Variants in ATG12 observed in about 807,000 individuals in gnomAD.
ATG12 encodes autophagy related 12.
In ATG12, 19 loss-of-function variants were observed where a neutral mutation model predicts 17.6. That is an observed-to-expected ratio of 1.08 (90% CI 0.75 to 1.58). The LOEUF (loss-of-function observed/expected upper bound fraction) is 1.58, where lower values mean the gene tolerates loss of function less well. Among genes scored for constraint, ATG12 ranks in the 40% most tolerant of loss-of-function variants. The pLI is 0.00. For synonymous variants in ATG12, 75 were observed against 62.4 expected (o/e 1.20, Z -0.95); for missense variants, 214 against 162.0 (o/e 1.32, Z -1.74).
Position 115,831,543 on chromosome 5 carries a change from T to G in ATG12, c.*261A>C, listed in dbSNP as rs978622047. 9.3e-6 allele frequency: 5 copies of G among 536,090 alleles called. No homozygotes were observed. The highest frequency in any genetic ancestry group is 1.6e-5 in the Non-Finnish European group (5 of 303,630). 33.2% of individuals were successfully genotyped at this position (536,090 alleles called of 1,614,324 possible). On this transcript the variant is annotated 3_prime_UTR_variant, in exon 4 of 4. Transcript: ENST00000509910. ...TCTCCTTTTCAACCTTGGAGGCAGA[T>G]CTGCAGCAATAATAGTAACAAGTAG...
Position 115,837,751 on chromosome 5 carries a change from T to C in ATG12, c.177A>G (p.Leu59=). The part of the protein sequence containing the change: ...GDTKKKIDIL[L]KAVGDTPIMK... Reference sequence around the variant, plus strand: ...TAATAGGAGTGTCTCCCACAGCCTTTAGCAAAATGTCAACTGTAAAAGAAG... The same window carrying C: ...TAATAGGAGTGTCTCCCACAGCCTTCAGCAAAATGTCAACTGTAAAAGAAG... Residue 59 remains leucine, a synonymous_variant, in exon 2 of 4, where the codon CTA becomes CTG. Coordinates refer to ENST00000509910, the MANE Select transcript of ATG12 (RefSeq NM_004707.4). The C allele has an allele frequency of 1.2e-6, 2 of 1,600,970 alleles. No individual in the cohort carries two copies. Among genetic ancestry groups the C allele is most frequent in the African/African-American group, 2.7e-5 (2 of 74,046 alleles).
intron 2 of ATG12, chr5:115,834,438 C>G: frequency 6.6e-6 from 1 of 152,178 alleles, no homozygotes; most frequent in East Asian, 1.9e-4. Flanking sequence ...TGTAGTTACT[C>G]CAGGTTTGTG....
At chr5:115,841,198 C>A (rs1561457202) in intron 1 of ATG12, 192 bp downstream of exon 1, 2 of 691,890 alleles carry the variant, frequency 2.9e-6, no homozygotes, top group Admixed American at 3.0e-5. Context: ...CACCGATAGA[C>A]AGAGATGGTA....
intron 1 of ATG12, 39 bp downstream of exon 1, chr5:115,841,345 CAATCTG>C (rs1264052634): frequency 3.7e-6 from 6 of 1,607,688 alleles, no homozygotes; most frequent in Admixed American, 1.7e-5. Context: ...TACTCGGATG[CAATCTG>C]AACCTCCCGC....
At position 115,832,599 on chromosome 5, in the gene ATG12, T is replaced by TTTA; in HGVS notation, c.363+2_363+3insTAA. ...TTTTTTTTTTTTTTTTTTTTTTTTT[T>TTTA]ACCTCATAGAGAGTTCCAACTTCTT... On this transcript the variant is annotated splice_region_variant and intron_variant, in intron 3 of 3. Coordinates refer to ENST00000509910, the MANE Select transcript of ATG12 (RefSeq NM_004707.4). The TTTA allele has an allele frequency of 3.1e-6, 3 of 952,606 alleles. No individual in the cohort carries two copies. Among genetic ancestry groups the TTTA allele is most frequent in the Non-Finnish European group, 3.0e-6 (2 of 670,406 alleles). 59.0% of individuals were successfully genotyped at this position (952,606 alleles called of 1,614,324 possible). A position where few individuals can be genotyped will look rare whatever the true frequency, so the allele number is the denominator to read the frequency against.
intron 1 of ATG12, chr5:115,840,934 A>G: frequency 1.6e-6 from 2 of 1,270,138 alleles, no homozygotes; most frequent in South Asian, 2.5e-5. Flanking sequence ...TTCACAACCA[A>G]CTGGGAGGGG....
At position 115,831,500 on chromosome 5, in the gene ATG12, A is replaced by G. The variant is rs796776205; in HGVS notation, c.*304T>C. On this transcript the variant is annotated 3_prime_UTR_variant, in exon 4 of 4. Transcript: ENST00000509910. ...GTCATTTTGAGAACTGACAATGAAG[A>G]TGTTTATACAGTCTTAGTCTCCTTT... The G allele has an allele frequency of 2.6e-6, 1 of 378,238 alleles. No individual in the cohort carries two copies. Among genetic ancestry groups the G allele is most frequent in the African/African-American group, 2.1e-5 (1 of 47,184 alleles). The allele number at this position is 378,238 out of a possible 1,614,324, so 23.4% of individuals were successfully genotyped here.
In ATG12 at chr5:115,830,913, G is replaced by A. The variant is rs1760844113; in HGVS notation, c.*891C>T. ...AGAAATTATCAGTCTAATAGCATCA[G>A]TAAAAATGGCACTTTTAGTCATGGC... On this transcript the variant is annotated 3_prime_UTR_variant, in exon 4 of 4. Coordinates refer to ENST00000509910, the MANE Select transcript of ATG12 (RefSeq NM_004707.4). 6.6e-6 allele frequency: 1 copy of A among 152,152 alleles called. No individual in the cohort carries two copies. The highest frequency in any genetic ancestry group is 1.5e-5 in the Non-Finnish European group (1 of 68,016). The allele number at this position is 152,152 out of a possible 1,614,324, so 9.4% of individuals were successfully genotyped here.
At position 115,832,492 on chromosome 5, in the gene ATG12, G is replaced by A. The variant is rs1378977539; in HGVS notation, c.363+110C>T. On this transcript the variant is annotated intron_variant, in intron 3 of 3. Coordinates refer to ENST00000509910, the MANE Select transcript of ATG12 (RefSeq NM_004707.4). ...GCATGCCATCTCTTGAAATAAAAAT[G>A]TGAATTAACAATACTACACAATATA... The A allele has an allele frequency of 4.2e-6, 5 of 1,204,124 alleles. No individual in the cohort carries two copies. The African/African-American group carries it at 4.9e-5, about 12-fold the overall frequency. 74.6% of individuals were successfully genotyped at this position (1,204,124 alleles called of 1,614,324 possible).
At chr5:115,834,100 T>A (rs989202242) in intron 2 of ATG12, 1 of 152,138 alleles carries the variant, frequency 6.6e-6, no homozygotes, top group African/African-American at 2.4e-5. Context: ...CAGTGATGGC[T>A]TTGTGGGAAA....
In ATG12 at chr5:115,828,498, T is replaced by C. The variant is rs893555706; in HGVS notation, c.*3306A>G. On this transcript the variant is annotated 3_prime_UTR_variant, in exon 4 of 4. Transcript: ENST00000509910. The stretch of plus-strand genomic sequence containing the variant: ...GGGGTTCAAGGTGTTTCATGTTTTG[T>C]TGGCCATTTGTATCTTTTTGTGAAT... 2 of 152,194 alleles carry C rather than the reference T, an allele frequency of 1.3e-5. No homozygotes were observed. Among genetic ancestry groups the C allele is most frequent in the African/African-American group, 4.8e-5 (2 of 41,466 alleles). The allele number at this position is 152,194 out of a possible 1,614,324, so 9.4% of individuals were successfully genotyped here.
intron 1 of ATG12, chr5:115,840,727 C>G (rs1761375036): frequency 8.4e-7 from 1 of 1,187,898 alleles, no homozygotes; most frequent in African/African-American, 1.6e-5. Context: ...TGCTTTAGAA[C>G]ACGTAATTTT....
intron 1 of ATG12, chr5:115,838,258 G>C (rs1761187825): frequency 6.6e-6 from 1 of 152,180 alleles, no homozygotes; most frequent in African/African-American, 2.4e-5. Context: ...AATATGAGAT[G>C]TGTGAAAATT....
intron 2 of ATG12, among the ~76,000 whole-genome samples, chr5:115,836,456 TA>T (rs1286553068): frequency 3.3e-5 from 5 of 152,246 alleles, no homozygotes; most frequent in African/African-American, 1.2e-4. Context: ...CTCTCAAGTG[TA>T]TGTCCTCATT....
At position 115,831,630 on chromosome 5, in the gene ATG12, A is replaced by C; in HGVS notation, c.*174T>G. ...TGACTGGTGCATTAATACAAATCAC[A>C]TTTTTCTGAGTCCATTCATGCTATG... On this transcript the variant is annotated 3_prime_UTR_variant, in exon 4 of 4. Coordinates refer to ENST00000509910, the MANE Select transcript of ATG12 (RefSeq NM_004707.4). 1.5e-6 allele frequency: 1 copy of C among 665,358 alleles called. No homozygotes were observed. The highest frequency in any genetic ancestry group is 2.6e-6 in the Non-Finnish European group (1 of 378,702). The allele number at this position is 665,358 out of a possible 1,614,324, so 41.2% of individuals were successfully genotyped here. A position where few individuals can be genotyped will look rare whatever the true frequency, so the allele number is the denominator to read the frequency against.
rs1244266378 is a variant in ATG12, at chr5:115,830,139, A to G, written c.*1665T>C. On this transcript the variant is annotated 3_prime_UTR_variant, in exon 4 of 4. Coordinates refer to ENST00000509910, the MANE Select transcript of ATG12 (RefSeq NM_004707.4). ...TCTCTTTAAAAAAAAAAAAAAAAAA[A>G]AAAAGTGCAAAGTCCTATGTATTCT... 1.3e-5 allele frequency: 2 copies of G among 151,662 alleles called. No homozygotes were observed. 9.4% of individuals were successfully genotyped at this position (151,662 alleles called of 1,614,324 possible). A position where few individuals can be genotyped will look rare whatever the true frequency, so the allele number is the denominator to read the frequency against.
chr5:115,838,545 A>G (rs1027139673), intron 1 of ATG12: 2 of 152,346 alleles, frequency 1.3e-5, no homozygotes, highest in South Asian at 4.1e-4. Context: ...CAACAAAATG[A>G]TATTTCTCAG....
At chr5:115,840,264 A>G (rs1161998013) in intron 1 of ATG12, among the ~76,000 whole-genome samples, 1 of 151,840 alleles carries the variant, frequency 6.6e-6, no homozygotes, top group East Asian at 1.9e-4. Flanking sequence ...CCACAGTAGC[A>G]GAAGTTGAAG....
chr5:115,832,392 A>G (rs541442655), intron 3 of ATG12, among the ~76,000 whole-genome samples: 10 of 152,150 alleles, frequency 6.6e-5, no homozygotes, highest in African/African-American at 2.4e-4. Context: ...ATAATTTATT[A>G]ATATCTTTCT....
Sources: gnomAD v4.1 joint callset for allele counts (sites outside exome capture counted in the v4.1 genomes callset) on GRCh38, gnomAD v4.1.1 for gene constraint, MANE v1.5 for transcripts, NCBI Gene and HGNC (gene_info 2026-07-23, HGNC 2026-07-21) for gene names.